The following OLFM2 variants were observed in gnomAD, a reference collection of about 807,000 sequenced individuals.
OLFM2 encodes noelin-2.
Under a neutral mutation model 43.9 loss-of-function variants are expected in OLFM2, and 20 were observed. The observed-to-expected ratio is 0.46, with a 90% CI of 0.32 to 0.66. The LOEUF (loss-of-function observed/expected upper bound fraction) is 0.66. Among genes scored for constraint, OLFM2 ranks in the 30% least tolerant of loss-of-function variants. The probability of loss-of-function intolerance (pLI) is 0.04; values close to 1 mark genes in which losing one functional copy is unlikely to be tolerated. For synonymous variants in OLFM2, 268 were observed against 278.6 expected (o/e 0.96, Z 0.38); for missense variants, 416 against 643.6 (o/e 0.65, Z 3.83).
intron 1 of OLFM2, among the ~76,000 whole-genome samples, chr19:9,888,456 G>GGAGGTTGCGGTGAGCT (rs2046608274): frequency 1.4e-5 from 2 of 143,380 alleles, no homozygotes; most frequent in Non-Finnish European, 3.1e-5. Flanking sequence ...CCTGGGGGGC[G>GGAGGTTGCGGTGAGCT]GAGGTTGCGG....
intron 1 of OLFM2, among the ~76,000 whole-genome samples, chr19:9,915,676 C>T (rs1384988837): frequency 6.6e-6 from 1 of 152,042 alleles, no homozygotes; most frequent in African/African-American, 2.4e-5. Flanking sequence ...CACCACCACG[C>T]CCGGCTAATT....
intron 1 of OLFM2, among the ~76,000 whole-genome samples, chr19:9,926,632 A>T (rs988439637): frequency 6.6e-6 from 1 of 152,276 alleles, no homozygotes; most frequent in South Asian, 2.1e-4. Context: ...AAAAATTTTT[A>T]AAGTCTTCCA....
Position 9,854,268 on chromosome 19 carries a change from G to A in OLFM2, c.1283C>T (p.Ala428Val). ...SMLDYNPRER[A>V]LYTWNNGHQV... is the part of the protein sequence containing the mutation. ...GTGGCCGTTGTTCCAGGTATAGAGG[G>A]CGCGCTCCCGGGGGTTGTAATCCAG... Residue 428 changes from alanine (A) to valine (V), a missense_variant, in exon 6 of 6, where the codon GCC (alanine) becomes GTC (valine). Ala to Val is a moderately conservative substitution (Grantham distance 64, BLOSUM62 0). Coordinates refer to ENST00000264833, the MANE Select transcript of OLFM2 (RefSeq NM_058164.4). The surrounding 1 kb of genome is among the most constrained non-coding windows in gnomAD (Gnocchi z 9.5). 2 of 1,614,138 alleles carry A rather than the reference G, an allele frequency of 1.2e-6. No individual in the cohort carries two copies. The highest frequency in any genetic ancestry group is 2.2e-5 in the South Asian group (2 of 91,078).
intron 1 of OLFM2, among the ~76,000 whole-genome samples, chr19:9,870,531 C>T (rs1490459162): frequency 6.6e-6 from 1 of 152,170 alleles, no homozygotes; most frequent in Admixed American, 6.5e-5. Flanking sequence ...GGCACTGAAC[C>T]AGGATGTAGG....
At chr19:9,919,969 A>AT (rs572250241) in intron 1 of OLFM2, among the ~76,000 whole-genome samples, 1,340 of 130,914 alleles carry the variant, frequency 0.01, 9 homozygotes, top group East Asian at 0.02. Context: ...TAATTTTTGT[A>AT]TTTTTTTTTT....
At chr19:9,923,837 C>T (rs947953125) in intron 1 of OLFM2, among the ~76,000 whole-genome samples, 27 of 151,412 alleles carry the variant, frequency 1.8e-4, no homozygotes, top group Admixed American at 1.7e-3. Flanking sequence ...TGGTGCCTCA[C>T]GCCTGTAATC....
chr19:9,854,916 G>T lies in OLFM2; in HGVS notation c.688-53C>A. The T allele has an allele frequency of 1.4e-6, 2 of 1,388,868 alleles. No homozygotes were observed. The highest frequency in any genetic ancestry group is 2.1e-4 in the Middle Eastern group (1 of 4,842). The allele number at this position is 1,388,868 out of a possible 1,614,324, so 86.0% of individuals were successfully genotyped here. A position where few individuals can be genotyped will look rare whatever the true frequency, so the allele number is the denominator to read the frequency against. Reference sequence around the variant, plus strand: ...GGGAACCACCACCAACGACCCAAGGGTCCCAGCACCAGCTACAGCCATTAG... The same window carrying T: ...GGGAACCACCACCAACGACCCAAGGTTCCCAGCACCAGCTACAGCCATTAG... On this transcript the variant is annotated intron_variant, in intron 5 of 5. Coordinates refer to ENST00000264833, the MANE Select transcript of OLFM2 (RefSeq NM_058164.4). The surrounding 1 kb of genome is among the most constrained non-coding windows in gnomAD (Gnocchi z 9.5).
At chr19:9,884,299 C>A (rs1293499480) in intron 1 of OLFM2, among the ~76,000 whole-genome samples, 2 of 143,242 alleles carry the variant, frequency 1.4e-5, no homozygotes, top group Non-Finnish European at 3.0e-5. Context: ...AAAAAAAGCC[C>A]AGGCACAGTG....
intron 1 of OLFM2, among the ~76,000 whole-genome samples, chr19:9,879,207 G>A (rs181291612): frequency 6.6e-6 from 1 of 152,160 alleles, no homozygotes; most frequent in Admixed American, 6.6e-5. Flanking sequence ...ATCTCAGCTC[G>A]TTGCAACCTC....
In OLFM2 at chr19:9,856,795, G is replaced by A. The variant is rs373098687; in HGVS notation, c.687+12C>T. On this transcript the variant is annotated intron_variant, in intron 5 of 5. Coordinates refer to ENST00000264833, the MANE Select transcript of OLFM2 (RefSeq NM_058164.4). This position sits in a 1 kb window ranked among gnomAD's most constrained non-coding sequence, Gnocchi z 4.0. ...CCAGGCCCTGACCCCAGGGGTGGGC[G>A]CAGTCACTCACCCGGCTATCCGCAC... 6.2e-6 allele frequency: 10 copies of A among 1,605,276 alleles called. No homozygotes were observed. The highest frequency in any genetic ancestry group is 2.2e-5 in the South Asian group (2 of 90,386).
Position 9,854,152 on chromosome 19 carries a change from C to T in OLFM2, c.*34G>A. 1.2e-6 allele frequency: 2 copies of T among 1,605,488 alleles called. No individual in the cohort carries two copies. The highest frequency in any genetic ancestry group is 1.7e-6 in the Non-Finnish European group (2 of 1,172,774). Reference sequence around the variant, plus strand: ...GAAAAGGGCCCCCAGCCCCCAGAGGCCCCCCAGGCAGCAGCCCGAGCCACA... The same window carrying T: ...GAAAAGGGCCCCCAGCCCCCAGAGGTCCCCCAGGCAGCAGCCCGAGCCACA... On this transcript the variant is annotated 3_prime_UTR_variant, in exon 6 of 6. Transcript: ENST00000264833. This position sits in a 1 kb window ranked among gnomAD's most constrained non-coding sequence, Gnocchi z 9.5.
intron 1 of OLFM2, among the ~76,000 whole-genome samples, chr19:9,915,015 C>T (rs560083702): frequency 6.6e-6 from 1 of 152,200 alleles, no homozygotes; most frequent in East Asian, 2.0e-4. Flanking sequence ...TTTTTCTGAG[C>T]TGGACAACAC....
intron 1 of OLFM2, among the ~76,000 whole-genome samples, chr19:9,911,601 C>T (rs1416837514): frequency 4.6e-5 from 7 of 152,292 alleles, no homozygotes; most frequent in Middle Eastern, 6.8e-3. Context: ...TATGCACACA[C>T]TTACAAAGAC....
intron 2 of OLFM2, 79 bp downstream of exon 2, chr19:9,860,566 G>C: frequency 1.3e-6 from 2 of 1,497,610 alleles, no homozygotes; most frequent in Non-Finnish European, 9.0e-7. Flanking sequence ...GCCACTGGCT[G>C]ACCTGGATGG....
chr19:9,920,907 G>GGA (rs2086415305), intron 1 of OLFM2, among the ~76,000 whole-genome samples: 1 of 141,690 alleles, frequency 7.1e-6, no homozygotes. Context: ...ACTCCATCTT[G>GGA]AAAAAAAAAA....
chr19:9,873,946 T>C (rs923913853), intron 1 of OLFM2, among the ~76,000 whole-genome samples: 3 of 151,746 alleles, frequency 2.0e-5, no homozygotes, highest in African/African-American at 7.3e-5. Context: ...CCACCATGCC[T>C]ACCTAATCAA....
At chr19:9,932,390 G>A (rs1029761283) in intron 1 of OLFM2, among the ~76,000 whole-genome samples, 1 of 150,390 alleles carries the variant, frequency 6.6e-6, no homozygotes, top group South Asian at 2.1e-4. Flanking sequence ...GTGAGGCAAA[G>A]CTTGCAGTGA....
intron 1 of OLFM2, among the ~76,000 whole-genome samples, chr19:9,909,993 G>C (rs1457010401): frequency 1.3e-5 from 2 of 152,044 alleles, no homozygotes; most frequent in African/African-American, 2.4e-5. Context: ...CACACCTTAG[G>C]GTTCAGTAGT....
At chr19:9,899,339 A>G (rs1226483683) in intron 1 of OLFM2, among the ~76,000 whole-genome samples, 1 of 151,400 alleles carries the variant, frequency 6.6e-6, no homozygotes, top group Non-Finnish European at 1.5e-5. Context: ...TTCCCTGCCA[A>G]CCTCTACAAC....
Sources: allele counts gnomAD v4.1 joint callset (sites outside exome capture counted in the v4.1 genomes callset), GRCh38; gene constraint gnomAD v4.1.1; non-coding constraint Gnocchi (gnomAD v3.1); transcripts MANE v1.5; gene names NCBI Gene and HGNC (gene_info 2026-07-23, HGNC 2026-07-21).